ARHGAP26: variants seen among roughly 807,000 people sequenced by gnomAD.
ARHGAP26 encodes rho GTPase-activating protein 26.
ARHGAP26 carries 38 observed loss-of-function variants against 104.8 expected under a neutral mutation model. The ratio of observed to expected loss-of-function variants is 0.36; its 90% confidence interval spans 0.28 to 0.48. The LOEUF (loss-of-function observed/expected upper bound fraction) is 0.48. Ranked by LOEUF, ARHGAP26 falls within the 20% of genes least tolerant of loss-of-function variation. The probability of loss-of-function intolerance (pLI) is 0.99; values close to 1 mark genes in which losing one functional copy is unlikely to be tolerated. For missense variants in ARHGAP26, 704 were observed against 947.9 expected (o/e 0.74, Z 3.38); for synonymous variants, 341 against 340.0 (o/e 1.00, Z -0.03).
At chr5:142,968,433 A>G (rs1179846195) in intron 11 of ARHGAP26, among the ~76,000 whole-genome samples, 1 of 152,192 alleles carries the variant, frequency 6.6e-6, no homozygotes, top group Non-Finnish European at 1.5e-5. Flanking sequence ...TTGTTTTTGT[A>G]TGATATATTT....
At chr5:142,963,186 A>G (rs1047955712) in intron 11 of ARHGAP26, among the ~76,000 whole-genome samples, 84 of 100,194 alleles carry the variant, frequency 8.4e-4, no homozygotes, top group South Asian at 6.3e-3. Context: ...ATATATATAT[A>G]TATATATATA....
At chr5:143,078,272 G>A (rs1789321548) in intron 17 of ARHGAP26, among the ~76,000 whole-genome samples, 1 of 152,178 alleles carries the variant, frequency 6.6e-6, no homozygotes, top group Non-Finnish European at 1.5e-5. Flanking sequence ...AGACACCTGG[G>A]TGCAAAATTG....
At chr5:142,899,521 G>A (rs1010291202) in intron 6 of ARHGAP26, among the ~76,000 whole-genome samples, 16 of 152,160 alleles carry the variant, frequency 1.1e-4, no homozygotes, top group Non-Finnish European at 1.9e-4. Context: ...TGGTTGCCCC[G>A]TGGACAGCTG....
intron 20 of ARHGAP26, among the ~76,000 whole-genome samples, chr5:143,199,201 A>T (rs1807324091): frequency 6.6e-6 from 1 of 152,210 alleles, no homozygotes. Flanking sequence ...AAGAACACGA[A>T]ACAGTCAAGC....
At chr5:142,913,516 A>G (rs369001417) in intron 10 of ARHGAP26, among the ~76,000 whole-genome samples, 39 of 151,124 alleles carry the variant, frequency 2.6e-4, no homozygotes, top group African/African-American at 9.3e-4. Flanking sequence ...GAACCTCCCT[A>G]TCTTTTGGGT....
chr5:143,169,081 A>G (rs141327941), intron 20 of ARHGAP26: 4 of 152,322 alleles, frequency 2.6e-5, no homozygotes, highest in East Asian at 3.9e-4. Flanking sequence ...TGCTTTTGCA[A>G]TGTTTGCATT....
intron 11 of ARHGAP26, among the ~76,000 whole-genome samples, chr5:142,988,606 C>T (rs998292293): frequency 6.6e-6 from 1 of 152,076 alleles, no homozygotes; most frequent in Non-Finnish European, 1.5e-5. Context: ...TAGATCTTTC[C>T]TTCTTTCTCT....
At chr5:142,896,626 C>A (rs1228422133) in intron 6 of ARHGAP26, among the ~76,000 whole-genome samples, 1 of 152,190 alleles carries the variant, frequency 6.6e-6, no homozygotes, top group Non-Finnish European at 1.5e-5. Flanking sequence ...AAAGAAATCT[C>A]TAAAGATTTA....
At chr5:143,210,630 G>C (rs923666250) in intron 21 of ARHGAP26, among the ~76,000 whole-genome samples, 1 of 152,132 alleles carries the variant, frequency 6.6e-6, no homozygotes, top group African/African-American at 2.4e-5. Flanking sequence ...CCCGTAACTT[G>C]CATTTGCCCA....
chr5:143,132,084 T>C (rs1180874709), intron 18 of ARHGAP26, among the ~76,000 whole-genome samples: 1 of 152,056 alleles, frequency 6.6e-6, no homozygotes, highest in Non-Finnish European at 1.5e-5. Flanking sequence ...CAGCTACGTG[T>C]AGTGATTCAG....
rs142778977 is a variant in ARHGAP26, at chr5:143,195,185, C to T, written c.1989-12013C>T. Among the ~76,000 whole-genome samples the T allele has an allele frequency of 4.1e-3, 619 of 152,330 alleles. 5 individuals carry two copies. The highest frequency in any genetic ancestry group is 0.014 in the African/African-American group (598 of 41,564). ...CTTTCATGGTATCCGGACCAAGGTT[C>T]GTGCATTTGCAAGAGTTTAACTTAA... On this transcript the variant is annotated intron_variant, in intron 20 of 22. Coordinates refer to ENST00000645722, the MANE Select transcript of ARHGAP26 (RefSeq NM_001135608.3).
chr5:142,780,223 A>G (rs1251388260), intron 1 of ARHGAP26, among the ~76,000 whole-genome samples: 2 of 151,298 alleles, frequency 1.3e-5, no homozygotes, highest in African/African-American at 4.8e-5. Context: ...TATTGTATGA[A>G]TTAAATATAG....
At chr5:143,182,789 G>A (rs779575806) in intron 20 of ARHGAP26, among the ~76,000 whole-genome samples, 23 of 152,130 alleles carry the variant, frequency 1.5e-4, no homozygotes, top group African/African-American at 5.3e-4. Context: ...TCACTCTGTC[G>A]TTATCCACCC....
intron 20 of ARHGAP26, among the ~76,000 whole-genome samples, chr5:143,163,723 T>A (rs1233223133): frequency 1.3e-5 from 2 of 152,128 alleles, no homozygotes; most frequent in Non-Finnish European, 2.9e-5. Context: ...AGTGCTGGGA[T>A]TACAGGCATG....
At chr5:142,980,531 G>A (rs1773788399) in intron 11 of ARHGAP26, among the ~76,000 whole-genome samples, 4 of 151,920 alleles carry the variant, frequency 2.6e-5, no homozygotes, top group African/African-American at 9.7e-5. Context: ...TGGGATTACA[G>A]GTGCCCACCA....
chr5:143,079,423 C>T (rs1393638216), intron 17 of ARHGAP26, among the ~76,000 whole-genome samples: 4 of 152,296 alleles, frequency 2.6e-5, no homozygotes, highest in Middle Eastern at 3.4e-3. Flanking sequence ...TCTTTGTAGT[C>T]GGCACGGGAG....
At chr5:143,111,652 G>C (rs1451233587) in intron 17 of ARHGAP26, among the ~76,000 whole-genome samples, 1 of 152,232 alleles carries the variant, frequency 6.6e-6, no homozygotes, top group Non-Finnish European at 1.5e-5. Flanking sequence ...AGGAGAGATA[G>C]GAGACACTGT....
chr5:143,095,622 G>GTTGTGCTGCAATCTTGGC (rs1275766812), intron 17 of ARHGAP26, among the ~76,000 whole-genome samples: 1 of 152,220 alleles, frequency 6.6e-6, no homozygotes, highest in Non-Finnish European at 1.5e-5. Flanking sequence ...AGGCTGGAGT[G>GTTGTGCTGCAATCTTGGC]TTGTGCTGCA....
At chr5:142,935,982 G>A (rs1332914727) in intron 11 of ARHGAP26, among the ~76,000 whole-genome samples, 2 of 152,020 alleles carry the variant, frequency 1.3e-5, no homozygotes, top group African/African-American at 4.8e-5. Flanking sequence ...CTCAGCAGAG[G>A]ACTGGAAGTC....
Sources: allele counts gnomAD v4.1 joint callset (sites outside exome capture counted in the v4.1 genomes callset), GRCh38; gene constraint gnomAD v4.1.1; transcripts MANE v1.5; gene names NCBI Gene and HGNC (gene_info 2026-07-23, HGNC 2026-07-21).